Variants in KIF18B observed in about 807,000 individuals in gnomAD.
The protein encoded by KIF18B is kinesin family member 18B, also known as kinesin-like protein KIF18B.
In KIF18B, 49 loss-of-function variants were observed where a neutral mutation model predicts 80.9. The observed-to-expected ratio is 0.61, with a 90% CI of 0.48 to 0.77. The LOEUF (loss-of-function observed/expected upper bound fraction) is 0.77. Among genes scored for constraint, KIF18B ranks in the 30% least tolerant of loss-of-function variants. The pLI is 0.00. For missense variants in KIF18B, 994 were observed against 1,127.7 expected, an observed-to-expected ratio of 0.88 and a Z score of 1.70; for synonymous variants, 439 against 463.9, an observed-to-expected ratio of 0.95 and a Z score of 0.69.
intron 8 of KIF18B, 69 bp from the exon 9 acceptor site, chr17:44,932,842 C>G (rs1191586720): frequency 1.3e-6 from 2 of 1,575,756 alleles, no homozygotes; most frequent in East Asian, 2.3e-5. Flanking sequence ...AGACAGAGCC[C>G]CCGCCACACC....
intron 14 of KIF18B, 36 bp downstream of exon 14, chr17:44,926,953 C>G: frequency 6.4e-7 from 1 of 1,562,618 alleles, no homozygotes; most frequent in Non-Finnish European, 8.7e-7. Flanking sequence ...AGAGCGAGCT[C>G]CTTCTCCCAG....
At position 44,936,212 on chromosome 17, in the gene KIF18B, G is replaced by A. The variant is rs1224784149; in HGVS notation, c.133C>T (p.Pro45Ser). 6.2e-7 allele frequency: 1 copy of A among 1,610,988 alleles called. No individual in the cohort carries two copies. The highest frequency in any genetic ancestry group is 1.7e-5 in the Admixed American group (1 of 59,636). ...ERVLVFNPEE[P>S]DGGFPGLKWG... ...TTCAGGCCAGGGAACCCTCCATCGG[G>A]CTCCTCAGGGTTAAACACCAGCACC... The change falls in exon 2 of 16, where the codon CCC (proline) becomes TCC (serine). Residue 45 changes from proline to serine, a missense_variant. Physicochemically the swap from Pro to Ser is moderately conservative, Grantham distance 74 (BLOSUM62 -1). Transcript: ENST00000593135.
chr17:44,929,276 T>C lies in KIF18B; in HGVS notation c.1518-252A>G, dbSNP rs549456779. Among the ~76,000 whole-genome samples the C allele has an allele frequency of 1.6e-4, 24 of 152,292 alleles. No homozygotes were observed. The East Asian group carries it at 4.4e-3, about 28-fold the overall frequency. On this transcript the variant is annotated intron_variant, in intron 11 of 15. Coordinates refer to ENST00000593135, the MANE Select transcript of KIF18B (RefSeq NM_001265577.2). Reference sequence around the variant, plus strand: ...GGTAATGGTGGGAGGTGTCACCCACTAAACACGCCCCATGACAAAGACAGT... The same window carrying C: ...GGTAATGGTGGGAGGTGTCACCCACCAAACACGCCCCATGACAAAGACAGT...
In KIF18B at chr17:44,928,185, A is replaced by G; in HGVS notation, c.2117T>C (p.Met706Thr). 6.2e-7 allele frequency: 1 copy of G among 1,612,184 alleles called. No homozygotes were observed. The highest frequency in any genetic ancestry group is 2.2e-5 in the East Asian group (1 of 44,870). ...KSRVPLGPSA[M>T]QNCSTPLALP... is the part of the protein sequence containing the mutation. ...AGCCAGCGGGGTGGAGCAGTTCTGCATGGCGGAAGGGCCCAGGGGCACCCG... is the reference window on the plus strand; with the variant it reads ...AGCCAGCGGGGTGGAGCAGTTCTGCGTGGCGGAAGGGCCCAGGGGCACCCG... The change falls in exon 13 of 16, where the codon ATG becomes ACG. Residue 706 changes from methionine to threonine, a missense_variant. By Grantham distance (81) the Met-to-Thr change is moderately conservative. Transcript: ENST00000593135.
intron 1 of KIF18B, among the ~76,000 whole-genome samples, chr17:44,945,327 C>T (rs1285720616): frequency 6.6e-6 from 1 of 152,214 alleles, no homozygotes; most frequent in Non-Finnish European, 1.5e-5. Flanking sequence ...TCCCAAACTG[C>T]TGGGATTACA....
chr17:44,934,960 C>A lies in KIF18B; in HGVS notation c.472-25G>T. On this transcript the variant is annotated intron_variant, in intron 3 of 15. Transcript: ENST00000593135. The surrounding 1 kb of genome is among the most constrained non-coding windows in gnomAD (Gnocchi z 5.4). ...CCTGAGAAAGGAAGAAAGGAAGAGG[C>A]CTGAGGGAGAGCGGCCCATCAGGAA... 1 of 1,469,396 alleles carries A rather than the reference C, an allele frequency of 6.8e-7. No homozygotes were observed. The highest frequency in any genetic ancestry group is 9.3e-7 in the Non-Finnish European group (1 of 1,080,766). The allele number at this position is 1,469,396 out of a possible 1,614,324, so 91.0% of individuals were successfully genotyped here.
chr17:44,928,205 C>T lies in KIF18B; in HGVS notation c.2097G>A (p.Val699=), dbSNP rs760473198. 1.4e-5 allele frequency: 23 copies of T among 1,612,384 alleles called. No homozygotes were observed. In the African/African-American group the frequency reaches 2.7e-4, roughly 19 times the overall value. Residue 699 remains valine, a synonymous_variant, in exon 13 of 16, where the codon GTG becomes GTA. Coordinates refer to ENST00000593135, the MANE Select transcript of KIF18B (RefSeq NM_001265577.2). ...TCTGCATGGCGGAAGGGCCCAGGGG[C>T]ACCCGGCTTTTGATGACTGTGGCTG... ...VCPATVIKSR[V]PLGPSAMQNC... is the part of the protein sequence containing the mutation.
At chr17:44,942,368 G>A (rs1008496807) in intron 1 of KIF18B, among the ~76,000 whole-genome samples, 5 of 152,196 alleles carry the variant, frequency 3.3e-5, no homozygotes, top group Admixed American at 3.3e-4. Context: ...GTTGTTTTGG[G>A]GAGAGCCTGC....
intron 1 of KIF18B, among the ~76,000 whole-genome samples, chr17:44,937,339 C>T (rs2052330803): frequency 6.6e-6 from 1 of 152,092 alleles, no homozygotes; most frequent in Admixed American, 6.5e-5. Flanking sequence ...TTTACATAAG[C>T]CTTTAGCAGC....
In KIF18B at chr17:44,925,978, G is replaced by T; in HGVS notation, c.*102C>A. 1 of 1,239,798 alleles carries T rather than the reference G, an allele frequency of 8.1e-7. No homozygotes were observed. Among genetic ancestry groups the T allele is most frequent in the Non-Finnish European group, 1.2e-6 (1 of 854,784 alleles). The allele number at this position is 1,239,798 out of a possible 1,614,324, so 76.8% of individuals were successfully genotyped here. A position where few individuals can be genotyped will look rare whatever the true frequency, so the allele number is the denominator to read the frequency against. On this transcript the variant is annotated 3_prime_UTR_variant, in exon 16 of 16. Coordinates refer to ENST00000593135, the MANE Select transcript of KIF18B (RefSeq NM_001265577.2). ...GCACTAATTGCTCCCAGGTAAGGAA[G>T]GCAGGTCCAGCTCCTGGTGCAGGTG...
chr17:44,932,384 T>C (rs1191515255), intron 9 of KIF18B, 178 bp from the exon 10 acceptor site: 3 of 665,942 alleles, frequency 4.5e-6, no homozygotes, highest in Non-Finnish European at 7.4e-6. Flanking sequence ...TAGCTGAGGG[T>C]AGGAGGAGTC....
chr17:44,925,390 T>G lies in KIF18B; in HGVS notation c.*690A>C, dbSNP rs1206210728. 2 of 150,530 alleles carry G rather than the reference T, an allele frequency of 1.3e-5. No individual in the cohort carries two copies. The highest frequency in any genetic ancestry group is 4.9e-5 in the African/African-American group (2 of 40,618). 9.3% of individuals were successfully genotyped at this position (150,530 alleles called of 1,614,324 possible). A position where few individuals can be genotyped will look rare whatever the true frequency, so the allele number is the denominator to read the frequency against. ...TGAACCTGGGAGGCGGAGCTTGCAG[T>G]GAGCCAAGATCGCCACCACTGCACT... On this transcript the variant is annotated 3_prime_UTR_variant, in exon 16 of 16. Coordinates refer to ENST00000593135, the MANE Select transcript of KIF18B (RefSeq NM_001265577.2).
At chr17:44,935,172 C>G in intron 3 of KIF18B, 87 bp downstream of exon 3, 1 of 1,385,230 alleles carries the variant, frequency 7.2e-7, no homozygotes, top group Non-Finnish European at 9.7e-7. Context: ...TTCCTGCCAC[C>G]CTGTCCCACA....
chr17:44,926,311 C>A, intron 15 of KIF18B, 103 bp downstream of exon 15: 1 of 1,559,720 alleles, frequency 6.4e-7, no homozygotes, highest in South Asian at 1.2e-5. Flanking sequence ...TGGCAATACC[C>A]TAGGCCCTCC....
intron 14 of KIF18B, 73 bp downstream of exon 14, chr17:44,926,916 T>A: frequency 7.7e-7 from 1 of 1,305,068 alleles, no homozygotes; most frequent in Non-Finnish European, 1.1e-6. Flanking sequence ...GGGCCCAGAG[T>A]CGGCCCAGGT....
rs745419600 is a variant in KIF18B, at chr17:44,927,528, C to T, written c.2277-450G>A. Among the ~76,000 whole-genome samples the T allele has an allele frequency of 1.3e-5, 2 of 152,250 alleles. No homozygotes were observed. Among genetic ancestry groups the T allele is most frequent in the African/African-American group, 4.8e-5 (2 of 41,470 alleles). ...CCATGTGTGTGGAAAGGGGGAGTGA[C>T]AGCTTCGTCTTCTCACTGGAAAATA... On this transcript the variant is annotated intron_variant, in intron 13 of 15. Coordinates refer to ENST00000593135, the MANE Select transcript of KIF18B (RefSeq NM_001265577.2). This position sits in a 1 kb window ranked among gnomAD's most constrained non-coding sequence, Gnocchi z 4.1.
In KIF18B at chr17:44,927,150, C is replaced by T. The variant is rs754081778; in HGVS notation, c.2277-72G>A. 1.9e-5 allele frequency: 22 copies of T among 1,171,254 alleles called. No homozygotes were observed. The highest frequency in any genetic ancestry group is 3.0e-5 in the African/African-American group (2 of 65,600). 72.6% of individuals were successfully genotyped at this position (1,171,254 alleles called of 1,614,324 possible). ...AGCAAGGCCAGCCACTTCCTCCCTCCAGCCCCCAGCTCGGGCATGGGGGAG... is the reference window on the plus strand; with the variant it reads ...AGCAAGGCCAGCCACTTCCTCCCTCTAGCCCCCAGCTCGGGCATGGGGGAG... On this transcript the variant is annotated intron_variant, in intron 13 of 15. Coordinates refer to ENST00000593135, the MANE Select transcript of KIF18B (RefSeq NM_001265577.2). This position sits in a 1 kb window ranked among gnomAD's most constrained non-coding sequence, Gnocchi z 4.1.
At chr17:44,941,405 C>T (rs1214665494) in intron 1 of KIF18B, among the ~76,000 whole-genome samples, 1 of 148,184 alleles carries the variant, frequency 6.7e-6, no homozygotes, top group Non-Finnish European at 1.5e-5. Flanking sequence ...GTGGCACGAT[C>T]TTGGCTCACT....
In KIF18B at chr17:44,933,965, G is replaced by C; in HGVS notation, c.1020C>G (p.Asn340Lys). 6.3e-7 allele frequency: 1 copy of C among 1,593,192 alleles called. No individual in the cohort carries two copies. Among genetic ancestry groups the C allele is most frequent in the Non-Finnish European group, 8.5e-7 (1 of 1,170,124 alleles). The change falls in exon 7 of 16, where the codon AAC (asparagine) becomes AAG (lysine). Residue 340 changes from asparagine to lysine, a missense_variant. Coordinates refer to ENST00000593135, the MANE Select transcript of KIF18B (RefSeq NM_001265577.2). ...TGGCCCGGTCGGCATATTTGAGGGT[G>C]TTGTACGTGTCCTCGTAGGTCAGGC... ...PSSLTYEDTY[N>K]TLKYADRAKE...
Sources: allele counts gnomAD v4.1 joint callset (sites outside exome capture counted in the v4.1 genomes callset), GRCh38; gene constraint gnomAD v4.1.1; non-coding constraint Gnocchi (gnomAD v3.1); transcripts MANE v1.5; gene names NCBI Gene and HGNC (gene_info 2026-07-23, HGNC 2026-07-21).